FOXP2: variants seen among roughly 807,000 people sequenced by gnomAD.
FOXP2 encodes forkhead box P2, also known as forkhead box protein P2.
In FOXP2, 12 loss-of-function variants were observed where a neutral mutation model predicts 115.8. That is an observed-to-expected ratio of 0.10 (90% CI 0.07 to 0.17). The LOEUF (loss-of-function observed/expected upper bound fraction) is 0.17. Among genes scored for constraint, FOXP2 ranks in the 10% least tolerant of loss-of-function variants. The probability of loss-of-function intolerance (pLI) is 1.00; values close to 1 mark genes in which losing one functional copy is unlikely to be tolerated. For synonymous variants in FOXP2, 328 were observed against 297.7 expected, an observed-to-expected ratio of 1.10 and a Z score of -1.05; for missense variants, 629 against 843.5, an observed-to-expected ratio of 0.75 and a Z score of 3.15.
intron 3 of FOXP2, among the ~76,000 whole-genome samples, chr7:114,624,662 T>C (rs755239363): frequency 6.6e-6 from 1 of 151,824 alleles, no homozygotes; most frequent in Non-Finnish European, 1.5e-5. Context: ...AATAACTCTT[T>C]AGATGCATTT....
intron 1 of FOXP2, among the ~76,000 whole-genome samples, chr7:114,107,668 G>T (rs749894707): frequency 6.6e-6 from 1 of 151,968 alleles, no homozygotes; most frequent in Non-Finnish European, 1.5e-5. Context: ...GGTGTTGGGA[G>T]CATATGTTAG....
At chr7:114,631,489 G>A (rs1804918609) in intron 5 of FOXP2, 39 bp from the exon 6 acceptor site, 1 of 1,551,558 alleles carries the variant, frequency 6.4e-7, no homozygotes, top group Non-Finnish European at 8.7e-7. Context: ...TACAGACCAT[G>A]TTCTCTGCTG....
intron 2 of FOXP2, among the ~76,000 whole-genome samples, chr7:114,466,053 T>A (rs1795784684): frequency 6.6e-6 from 1 of 152,160 alleles, no homozygotes; most frequent in African/African-American, 2.4e-5. Context: ...GGATTTAAAT[T>A]TCTAGAGTAA....
intron 2 of FOXP2, among the ~76,000 whole-genome samples, chr7:114,474,169 A>C (rs543731393): frequency 6.6e-6 from 1 of 152,328 alleles, no homozygotes; most frequent in African/African-American, 2.4e-5. Context: ...CATACTGTGC[A>C]TGTGGTGAAT....
At chr7:114,334,931 CTATA>C (rs144511332) in intron 2 of FOXP2, among the ~76,000 whole-genome samples, 7,236 of 119,250 alleles carry the variant, frequency 0.061, 204 homozygotes, top group Admixed American at 0.077. Context: ...ATATAGAAAT[CTATA>C]TATATATATA....
chr7:114,196,203 GGTTTCAGCATGTT>G (rs1200542294), intron 1 of FOXP2, among the ~76,000 whole-genome samples: 4 of 151,606 alleles, frequency 2.6e-5, no homozygotes, highest in Non-Finnish European at 5.9e-5. Flanking sequence ...GTAGAGACTG[GGTTTCAGCATGTT>G]GTCCAGGATA....
chr7:114,640,088 T>A (rs1805442440), intron 6 of FOXP2, among the ~76,000 whole-genome samples: 1 of 152,086 alleles, frequency 6.6e-6, no homozygotes, highest in Non-Finnish European at 1.5e-5. Context: ...GCTGGTAAGA[T>A]GGTGAAAGTT....
intron 2 of FOXP2, among the ~76,000 whole-genome samples, chr7:114,462,587 G>C (rs1339363163): frequency 6.6e-6 from 1 of 151,872 alleles, no homozygotes; most frequent in Non-Finnish European, 1.5e-5. Context: ...GGCCAGGATG[G>C]TCTCAGATCT....
intron 3 of FOXP2, among the ~76,000 whole-genome samples, chr7:114,573,399 A>G (rs1284653329): frequency 6.6e-6 from 1 of 151,780 alleles, no homozygotes; most frequent in African/African-American, 2.4e-5. Context: ...CATTGCATTT[A>G]TAAGTACCAA....
At chr7:114,362,727 TA>T (rs1406615994) in intron 2 of FOXP2, among the ~76,000 whole-genome samples, 2 of 152,064 alleles carry the variant, frequency 1.3e-5, no homozygotes, top group Admixed American at 6.6e-5. Context: ...GCATATGCTA[TA>T]AAAAATCGAA....
At chr7:114,246,831 C>A (rs141987661) in intron 1 of FOXP2, among the ~76,000 whole-genome samples, 1 of 152,186 alleles carries the variant, frequency 6.6e-6, no homozygotes, top group Non-Finnish European at 1.5e-5. Context: ...TATGCAGAGT[C>A]ACCAGATAGT....
chr7:114,092,792 C>T (rs187227952), intron 1 of FOXP2, among the ~76,000 whole-genome samples: 3 of 152,134 alleles, frequency 2.0e-5, no homozygotes, highest in Non-Finnish European at 4.4e-5. Flanking sequence ...TTTGGTTGAT[C>T]TATGTCTGTA....
In FOXP2 at chr7:114,690,935, T is replaced by TA. The variant is rs1164571680; in HGVS notation, c.*1015dup. The TA allele has an allele frequency of 2.2e-6, 1 of 454,436 alleles. No homozygotes were observed. 28.2% of individuals were successfully genotyped at this position (454,436 alleles called of 1,614,324 possible). On this transcript the variant is annotated 3_prime_UTR_variant, in exon 17 of 17. Transcript: ENST00000350908. ...AAACAAATATGACAAAAACCACAAC[T>TA]AAAAAATGTTAATTCAGTCACAGAG...
Position 114,674,951 on chromosome 7 carries a change from A to G in FOXP2, c.2003+10515A>G, listed in dbSNP as rs1585017363. Among the ~76,000 whole-genome samples the G allele has an allele frequency of 2.0e-5, 3 of 152,194 alleles. No homozygotes were observed. The East Asian group carries it at 5.8e-4, about 29-fold the overall frequency. On this transcript the variant is annotated intron_variant, in intron 16 of 16. Transcript: ENST00000350908. ...TATCATTTTTAAAACTATTAATATGATTTCTGTTAAAAGTGAACTTTTCTA... is the reference window on the plus strand; with the variant it reads ...TATCATTTTTAAAACTATTAATATGGTTTCTGTTAAAAGTGAACTTTTCTA...
At chr7:114,146,421 T>G (rs763771894) in intron 1 of FOXP2, among the ~76,000 whole-genome samples, 1 of 152,194 alleles carries the variant, frequency 6.6e-6, no homozygotes, top group Non-Finnish European at 1.5e-5. Context: ...TGCACATAGA[T>G]TCAATGAATG....
intron 6 of FOXP2, among the ~76,000 whole-genome samples, chr7:114,638,429 G>A (rs1457118607): frequency 6.6e-6 from 1 of 152,142 alleles, no homozygotes; most frequent in Non-Finnish European, 1.5e-5. Flanking sequence ...TACTGAACTT[G>A]TTATATTACT....
At chr7:114,320,180 T>C (rs1486433822) in intron 2 of FOXP2, among the ~76,000 whole-genome samples, 1 of 152,232 alleles carries the variant, frequency 6.6e-6, no homozygotes, top group Non-Finnish European at 1.5e-5. Flanking sequence ...GTTGGCTGTA[T>C]ACTGCTTGCA....
chr7:114,618,461 T>C (rs1804065761), intron 3 of FOXP2, among the ~76,000 whole-genome samples: 1 of 152,192 alleles, frequency 6.6e-6, no homozygotes, highest in South Asian at 2.1e-4. Context: ...TAGTAGAGAC[T>C]ATGGTGATTT....
Position 114,631,523 on chromosome 7 carries a change from A to G in FOXP2, c.598-5A>G, listed in dbSNP as rs745718392. On this transcript the variant is annotated splice_region_variant and splice_polypyrimidine_tract_variant and intron_variant, in intron 5 of 16. Transcript: ENST00000350908. ...TGTTTACTGGTTTGGGTTTTCTGAT[A>G]CCAGCAGCAGCAGCAGCAGCAGCAG... The G allele has an allele frequency of 1.2e-5, 18 of 1,561,278 alleles. No homozygotes were observed. The East Asian group carries it at 3.8e-4, about 33-fold the overall frequency.
Sources: gnomAD v4.1 joint callset for allele counts (sites outside exome capture counted in the v4.1 genomes callset) on GRCh38, gnomAD v4.1.1 for gene constraint, MANE v1.5 for transcripts, NCBI Gene and HGNC (gene_info 2026-07-23, HGNC 2026-07-21) for gene names.